TPCN1: variants seen among roughly 807,000 people sequenced by gnomAD.
TPCN1 encodes two pore channel protein 1.
TPCN1 carries 52 observed loss-of-function variants against 108.8 expected under a neutral mutation model. The observed-to-expected ratio is 0.48, with a 90% confidence interval of 0.38 to 0.60. The LOEUF is 0.60. TPCN1 is among the 20% of genes least tolerant of loss of function. The pLI, the probability that TPCN1 is intolerant of heterozygous loss-of-function variation, is 0.00. For missense variants in TPCN1, 806 were observed against 1,072.8 expected (o/e 0.75, Z 3.47); for synonymous variants, 446 against 433.7 (o/e 1.03, Z -0.35).
chr12:113,264,976 C>T (rs1292503764), intron 3 of TPCN1, among the ~76,000 whole-genome samples: 1 of 152,114 alleles, frequency 6.6e-6, no homozygotes, highest in African/African-American at 2.4e-5. Flanking sequence ...CAGGCGCATG[C>T]CACCATACCC....
intron 18 of TPCN1, 26 bp downstream of exon 18, chr12:113,285,987 CA>C: frequency 6.3e-7 from 1 of 1,598,650 alleles, no homozygotes. Flanking sequence ...GTTTCTGACC[CA>C]AAGCTGAGAC....
intron 2 of TPCN1, among the ~76,000 whole-genome samples, chr12:113,253,603 G>T (rs1293602077): frequency 1.3e-5 from 2 of 152,182 alleles, no homozygotes; most frequent in African/African-American, 4.8e-5. Flanking sequence ...TGAGTCTTCT[G>T]TCTGCACCAG....
intron 2 of TPCN1, among the ~76,000 whole-genome samples, chr12:113,250,963 C>CAA (rs112213688): frequency 7.8e-6 from 1 of 128,676 alleles, no homozygotes; most frequent in Admixed American, 8.0e-5. Flanking sequence ...AACTCTGTCT[C>CAA]AAAAAAAAAA....
At chr12:113,256,021 G>A (rs1157456686) in intron 2 of TPCN1, among the ~76,000 whole-genome samples, 2 of 152,108 alleles carry the variant, frequency 1.3e-5, no homozygotes, top group Non-Finnish European at 2.9e-5. Context: ...TGAGGTCATA[G>A]TATGTTACCC....
In TPCN1 at chr12:113,266,055, T is replaced by TC; in HGVS notation, c.238-124dup. On this transcript the variant is annotated intron_variant, in intron 3 of 27. Coordinates refer to ENST00000335509, the MANE Select transcript of TPCN1 (RefSeq NM_017901.6). This position sits in a 1 kb window ranked among gnomAD's most constrained non-coding sequence, Gnocchi z 4.2. ...AGATCATTTTGATTTTCCAGCATCTTCTGTCTCTGGCCTGAATCTCTCCTC... is the reference window on the plus strand; with the variant it reads ...AGATCATTTTGATTTTCCAGCATCTTCCTGTCTCTGGCCTGAATCTCTCCTC... 1 of 1,032,934 alleles carries TC rather than the reference T, an allele frequency of 9.7e-7. No individual in the cohort carries two copies. Among genetic ancestry groups the TC allele is most frequent in the East Asian group, 2.4e-5 (1 of 41,224 alleles). The allele number at this position is 1,032,934 out of a possible 1,614,324, so 64.0% of individuals were successfully genotyped here. A position where few individuals can be genotyped will look rare whatever the true frequency, so the allele number is the denominator to read the frequency against.
In TPCN1 at chr12:113,268,411, A is replaced by G. The variant is rs929118330; in HGVS notation, c.529-331A>G. On this transcript the variant is annotated intron_variant, in intron 5 of 27. Transcript: ENST00000335509. The surrounding 1 kb of genome is among the most constrained non-coding windows in gnomAD (Gnocchi z 7.3). ...TAGGAGAATATAGCCAAGTAAGCAG[A>G]GCTGAAGAGGAGCTGCAGGCCCCGG... Among the ~76,000 whole-genome samples the G allele has an allele frequency of 2.0e-5, 3 of 152,188 alleles. No individual in the cohort carries two copies. Among genetic ancestry groups the G allele is most frequent in the African/African-American group, 7.2e-5 (3 of 41,442 alleles).
At chr12:113,247,977 C>T (rs1034925283) in intron 2 of TPCN1, among the ~76,000 whole-genome samples, 1 of 152,234 alleles carries the variant, frequency 6.6e-6, no homozygotes, top group Non-Finnish European at 1.5e-5. Flanking sequence ...GTTCTTTCAC[C>T]TTAGCTCTTG....
intron 2 of TPCN1, 32 bp from the exon 3 acceptor site, chr12:113,260,336 G>T: frequency 6.8e-7 from 1 of 1,475,112 alleles, no homozygotes; most frequent in Non-Finnish European, 9.0e-7. Context: ...AAGCCTGGGT[G>T]CCAAGTGAAT....
Position 113,226,663 on chromosome 12 carries a change from T to C in TPCN1, c.-125-65T>C, listed in dbSNP as rs941390635. 3.2e-6 allele frequency: 4 copies of C among 1,257,026 alleles called. No homozygotes were observed. In the African/African-American group the frequency reaches 6.1e-5, roughly 19 times the overall value. 77.9% of individuals were successfully genotyped at this position (1,257,026 alleles called of 1,614,324 possible). On this transcript the variant is annotated intron_variant, in intron 1 of 27. Transcript: ENST00000335509. ...CCATCACCACTATCTAATTTCAGAA[T>C]AGATTCATCAGTCATGGCTGTATTT... is the stretch of plus-strand genomic sequence containing the variant.
chr12:113,284,667 C>T lies in TPCN1; in HGVS notation c.1399+30C>T, dbSNP rs2288366. On this transcript the variant is annotated intron_variant, in intron 16 of 27. Coordinates refer to ENST00000335509, the MANE Select transcript of TPCN1 (RefSeq NM_017901.6). This position sits in a 1 kb window ranked among gnomAD's most constrained non-coding sequence, Gnocchi z 4.1. ...GCCCCGCTCAGGGACTGGCCGTGTC[C>T]TGGCCGGCACACCTGGCTTACCTGT... 6.2e-7 allele frequency: 1 copy of T among 1,614,086 alleles called. No homozygotes were observed. The highest frequency in any genetic ancestry group is 1.7e-5 in the Admixed American group (1 of 60,000).
chr12:113,249,673 C>G (rs1172413727), intron 2 of TPCN1: 4 of 152,282 alleles, frequency 2.6e-5, no homozygotes, highest in Non-Finnish European at 5.9e-5. Flanking sequence ...CCATAAAACA[C>G]AACAAAAACG....
chr12:113,285,805 G>A, intron 17 of TPCN1, 84 bp from the exon 18 acceptor site: 2 of 1,188,332 alleles, frequency 1.7e-6, no homozygotes, highest in South Asian at 2.4e-5. Context: ...GGAGGCTGCA[G>A]ACTGTGGAGG....
chr12:113,242,516 G>A (rs538600113), intron 2 of TPCN1, among the ~76,000 whole-genome samples: 4 of 152,260 alleles, frequency 2.6e-5, no homozygotes, highest in Admixed American at 6.5e-5. Flanking sequence ...TTGTTTGTAG[G>A]GCCTTTGTAC....
Position 113,273,753 on chromosome 12 carries a change from A to G in TPCN1, c.942+85A>G. Reference sequence around the variant, plus strand: ...GCACTGTGGGAGTGGAGAAGTGGGGACTGTCTTCTGCCTCTCAGGGCAGAA... The same window carrying G: ...GCACTGTGGGAGTGGAGAAGTGGGGGCTGTCTTCTGCCTCTCAGGGCAGAA... On this transcript the variant is annotated intron_variant, in intron 10 of 27. Transcript: ENST00000335509. The surrounding 1 kb of genome is among the most constrained non-coding windows in gnomAD (Gnocchi z 4.0). The G allele has an allele frequency of 9.1e-7, 1 of 1,103,900 alleles. No homozygotes were observed. Among genetic ancestry groups the G allele is most frequent in the Non-Finnish European group, 1.4e-6 (1 of 721,306 alleles). 68.4% of individuals were successfully genotyped at this position (1,103,900 alleles called of 1,614,324 possible). A position where few individuals can be genotyped will look rare whatever the true frequency, so the allele number is the denominator to read the frequency against.
Position 113,269,876 on chromosome 12 carries a change from C to T in TPCN1, c.748+31C>T. Reference sequence around the variant, plus strand: ...TTCCCGCCTCTCAGGCCCAGGTGCGCTGGAAAAGCAAGTTCACGGTGGATG... The same window carrying T: ...TTCCCGCCTCTCAGGCCCAGGTGCGTTGGAAAAGCAAGTTCACGGTGGATG... On this transcript the variant is annotated intron_variant, in intron 7 of 27. Coordinates refer to ENST00000335509, the MANE Select transcript of TPCN1 (RefSeq NM_017901.6). The surrounding 1 kb of genome is among the most constrained non-coding windows in gnomAD (Gnocchi z 5.0). 6.2e-7 allele frequency: 1 copy of T among 1,608,348 alleles called. No individual in the cohort carries two copies.
chr12:113,262,107 T>A (rs1347372771), intron 3 of TPCN1, among the ~76,000 whole-genome samples: 2 of 152,228 alleles, frequency 1.3e-5, no homozygotes, highest in African/African-American at 4.8e-5. Context: ...GAAATAGACT[T>A]TTTCTTAAAT....
chr12:113,266,153 A>G lies in TPCN1; in HGVS notation c.238-27A>G, dbSNP rs781147083. 9.3e-6 allele frequency: 15 copies of G among 1,612,164 alleles called. No homozygotes were observed. Among genetic ancestry groups the G allele is most frequent in the Non-Finnish European group, 1.3e-5 (15 of 1,178,824 alleles). On this transcript the variant is annotated intron_variant, in intron 3 of 27. Coordinates refer to ENST00000335509, the MANE Select transcript of TPCN1 (RefSeq NM_017901.6). This position sits in a 1 kb window ranked among gnomAD's most constrained non-coding sequence, Gnocchi z 4.2. ...GCGTTGGATGGGTCTCCAGGCTTAC[A>G]TGCCCACACTACTCTCATCTTTTCA...
chr12:113,265,014 C>T (rs1377980429), intron 3 of TPCN1, among the ~76,000 whole-genome samples: 1 of 151,888 alleles, frequency 6.6e-6, no homozygotes, highest in Non-Finnish European at 1.5e-5. Flanking sequence ...TTAGTAGAGA[C>T]GAGGTTTCAC....
Position 113,281,798 on chromosome 12 carries a change from C to T in TPCN1, c.1342+1603C>T, listed in dbSNP as rs545245585. The stretch of plus-strand genomic sequence containing the variant: ...AAGCCATTCTCCTGCCTTGGCCTCC[C>T]GAAGTGCTGGGAGTACGGGTGTGAG... On this transcript the variant is annotated intron_variant, in intron 15 of 27. Transcript: ENST00000335509. 9.3e-4 allele frequency among the ~76,000 whole-genome samples: 142 copies of T among 152,210 alleles called. 1 individual carries two copies. The highest frequency in any genetic ancestry group is 3.4e-3 in the Middle Eastern group (1 of 294).
Sources: gnomAD v4.1 joint callset for allele counts (sites outside exome capture counted in the v4.1 genomes callset) on GRCh38, gnomAD v4.1.1 for gene constraint, Gnocchi (gnomAD v3.1) non-coding constraint, MANE v1.5 for transcripts, NCBI Gene and HGNC (gene_info 2026-07-23, HGNC 2026-07-21) for gene names.